The following CNIH3 variants were observed in gnomAD, a reference collection of about 807,000 sequenced individuals.
CNIH3 encodes protein cornichon homolog 3.
Under a neutral mutation model 24.1 loss-of-function variants are expected in CNIH3, and 14 were observed. That is an observed-to-expected ratio of 0.58 (90% CI 0.38 to 0.91). The LOEUF is 0.91. Ranked by LOEUF, CNIH3 falls within the 40% of genes least tolerant of loss-of-function variation. The pLI, the probability that CNIH3 is intolerant of heterozygous loss-of-function variation, is 0.00. For synonymous variants in CNIH3, 68 were observed against 73.8 expected (o/e 0.92, Z 0.40); for missense variants, 178 against 196.8 (o/e 0.90, Z 0.57).
chr1:224,632,650 G>A (rs1361340748), intron 1 of CNIH3, among the ~76,000 whole-genome samples: 1 of 152,086 alleles, frequency 6.6e-6, no homozygotes, highest in Admixed American at 6.5e-5. Context: ...CAGATCATGT[G>A]AAATCATCTG....
intron 1 of CNIH3, among the ~76,000 whole-genome samples, chr1:224,472,809 A>C (rs1676423593): frequency 6.6e-6 from 1 of 152,162 alleles, no homozygotes; most frequent in Non-Finnish European, 1.5e-5. Flanking sequence ...AAAATCAAAA[A>C]CCACAAAATT....
Position 224,617,041 on chromosome 1 carries a change from T to A in CNIH3, c.-134T>A, listed in dbSNP as rs1683037290. 2.0e-5 allele frequency: 28 copies of A among 1,434,256 alleles called. No homozygotes were observed. Among genetic ancestry groups the A allele is most frequent in the Middle Eastern group, 5.3e-4 (2 of 3,804 alleles). 88.8% of individuals were successfully genotyped at this position (1,434,256 alleles called of 1,614,324 possible). A position where few individuals can be genotyped will look rare whatever the true frequency, so the allele number is the denominator to read the frequency against. The stretch of plus-strand genomic sequence containing the variant: ...CTGACCCTCGAGTCGCTTCGCTAGC[T>A]GTGCGCCCTCCTGGGCACTAGCCTG... On this transcript the variant is annotated 5_prime_UTR_variant, in exon 1 of 6. Coordinates refer to ENST00000272133, the MANE Select transcript of CNIH3 (RefSeq NM_152495.2).
At chr1:224,731,084 G>A (rs1689301969) in intron 4 of CNIH3, among the ~76,000 whole-genome samples, 1 of 152,176 alleles carries the variant, frequency 6.6e-6, no homozygotes, top group South Asian at 2.1e-4. Flanking sequence ...ATTCATGGCT[G>A]CCAGGGGCTG....
intron 1 of CNIH3, among the ~76,000 whole-genome samples, chr1:224,452,259 C>T (rs1005532197): frequency 7.3e-5 from 11 of 151,504 alleles, no homozygotes; most frequent in African/African-American, 9.7e-5. Flanking sequence ...AAGTGATTCT[C>T]CTGCCTCAGC....
intron 1 of CNIH3, among the ~76,000 whole-genome samples, chr1:224,447,378 G>A (rs1034258494): frequency 6.6e-6 from 1 of 152,174 alleles, no homozygotes; most frequent in African/African-American, 2.4e-5. Flanking sequence ...AGCTCCAGGA[G>A]AGAGGAAATC....
At chr1:224,721,443 A>C (rs1688718802) in intron 3 of CNIH3, among the ~76,000 whole-genome samples, 1 of 152,200 alleles carries the variant, frequency 6.6e-6, no homozygotes, top group Non-Finnish European at 1.5e-5. Context: ...AGTGTTAAGA[A>C]GCTCTGAATT....
intron 1 of CNIH3, among the ~76,000 whole-genome samples, chr1:224,456,125 C>T (rs529593971): frequency 2.0e-5 from 3 of 152,182 alleles, no homozygotes; most frequent in African/African-American, 4.8e-5. Context: ...TGTCAGAAAT[C>T]GTGGAAGTCA....
intron 1 of CNIH3, among the ~76,000 whole-genome samples, chr1:224,505,765 T>G (rs982966778): frequency 2.6e-5 from 4 of 152,240 alleles, no homozygotes; most frequent in Non-Finnish European, 5.9e-5. Context: ...GAGCAGATTC[T>G]AAACTTTAAT....
chr1:224,588,941 A>C (rs1300971729), downstream of CNIH3, among the ~76,000 whole-genome samples: 5 of 139,254 alleles, frequency 3.6e-5, no homozygotes, highest in Non-Finnish European at 4.5e-5. Flanking sequence ...GCCATGGGCC[A>C]AGCTACTACC....
chr1:224,641,021 A>G (rs773724843), intron 1 of CNIH3, among the ~76,000 whole-genome samples: 14 of 152,198 alleles, frequency 9.2e-5, no homozygotes, highest in Non-Finnish European at 1.8e-4. Flanking sequence ...TGCATGTGCT[A>G]TATTTGCTTC....
At chr1:224,453,917 G>T (rs774164254) in intron 1 of CNIH3, among the ~76,000 whole-genome samples, 8 of 152,100 alleles carry the variant, frequency 5.3e-5, no homozygotes, top group African/African-American at 1.9e-4. Context: ...ATTAAAACCC[G>T]AGATCAGTTT....
intron 4 of CNIH3, among the ~76,000 whole-genome samples, chr1:224,572,862 CTTGTTG>C (rs1019245505): frequency 6.6e-6 from 1 of 151,956 alleles, no homozygotes; most frequent in Non-Finnish European, 1.5e-5. Flanking sequence ...AAGTTGGTTT[CTTGTTG>C]TTGTTGTTGA....
intron 2 of CNIH3, chr1:224,521,410 A>C (rs1678623126): frequency 6.6e-6 from 1 of 152,180 alleles, no homozygotes; most frequent in African/African-American, 2.4e-5. Context: ...ATAACTGTCA[A>C]GATTACCTTT....
At chr1:224,488,735 T>C (rs1572347868) in intron 1 of CNIH3, among the ~76,000 whole-genome samples, 1 of 152,200 alleles carries the variant, frequency 6.6e-6, no homozygotes, top group South Asian at 2.1e-4. Context: ...TCCAAAATGC[T>C]TGGATTATAG....
At chr1:224,607,435 G>A (rs972012924) in intron 3 of CNIH3, among the ~76,000 whole-genome samples, 27 of 152,260 alleles carry the variant, frequency 1.8e-4, no homozygotes, top group East Asian at 9.6e-4. Context: ...AGAGGCAAGC[G>A]GTTGCATTCC....
Position 224,604,427 on chromosome 1 carries a change from G to T in CNIH3, n.402+38163G>T, listed in dbSNP as rs1682328860. On this transcript the variant is annotated intron_variant and non_coding_transcript_variant, in intron 3 of 7. Transcript: ENST00000478120. The surrounding 1 kb of genome is among the most constrained non-coding windows in gnomAD (Gnocchi z 4.4). ...GGAGGGGTGGGAGAGAAGAGATAAT[G>T]CCTTTGCCAACAGTCAGAGGGAAGT... Among the ~76,000 whole-genome samples the T allele has an allele frequency of 6.6e-6, 1 of 152,208 alleles. No individual in the cohort carries two copies. The highest frequency in any genetic ancestry group is 2.4e-5 in the African/African-American group (1 of 41,432).
rs370988155 is a variant in CNIH3, at chr1:224,556,921, T to G, written n.451-9278T>G. Among the ~76,000 whole-genome samples the G allele has an allele frequency of 1.0e-3, 154 of 152,318 alleles. 1 individual carries two copies. The highest frequency in any genetic ancestry group is 3.6e-3 in the African/African-American group (149 of 41,566). ...CCCTCCCCTTTGCTGTTTCACTTTCTCAGGCATGAATCTGAGGAGCTCCTG... is the reference window on the plus strand; with the variant it reads ...CCCTCCCCTTTGCTGTTTCACTTTCGCAGGCATGAATCTGAGGAGCTCCTG... On this transcript the variant is annotated intron_variant and non_coding_transcript_variant, in intron 3 of 5. Transcript: ENST00000471578.
chr1:224,539,172 T>C (rs1679414455), downstream of CNIH3, among the ~76,000 whole-genome samples: 1 of 152,200 alleles, frequency 6.6e-6, no homozygotes, highest in Non-Finnish European at 1.5e-5. Flanking sequence ...CATGTCATCC[T>C]GCATACTGCT....
At chr1:224,527,495 CAG>C (rs1007562414) in intron 2 of CNIH3, among the ~76,000 whole-genome samples, 3 of 152,278 alleles carry the variant, frequency 2.0e-5, no homozygotes, top group African/African-American at 7.2e-5. Flanking sequence ...GATCCTAAAA[CAG>C]GGGCTGGCGT....
Sources: gnomAD v4.1 joint callset for allele counts (sites outside exome capture counted in the v4.1 genomes callset) on GRCh38, gnomAD v4.1.1 for gene constraint, Gnocchi (gnomAD v3.1) non-coding constraint, MANE v1.5 for transcripts, NCBI Gene and HGNC (gene_info 2026-07-23, HGNC 2026-07-21) for gene names.